The following SLC35F1 variants were observed in gnomAD, a reference collection of about 807,000 sequenced individuals.
SLC35F1 encodes chromosome 6 open reading frame 169.
Under a neutral mutation model 48.7 loss-of-function variants are expected in SLC35F1, and 14 were observed. That is an observed-to-expected ratio of 0.29 (90% confidence interval 0.19 to 0.45). The LOEUF (loss-of-function observed/expected upper bound fraction) is 0.45, where lower values mean the gene tolerates loss of function less well. Ranked by LOEUF, SLC35F1 falls within the 20% of genes least tolerant of loss-of-function variation. The pLI is 1.00. For synonymous variants in SLC35F1, 190 were observed against 202.2 expected, an observed-to-expected ratio of 0.94 and a Z score of 0.51; for missense variants, 404 against 500.0, an observed-to-expected ratio of 0.81 and a Z score of 1.83.
intron 1 of SLC35F1, among the ~76,000 whole-genome samples, chr6:118,036,166 A>C (rs1772129180): frequency 6.6e-6 from 1 of 152,148 alleles, no homozygotes; most frequent in African/African-American, 2.4e-5. Context: ...TAATACATGT[A>C]CATAAATTTC....
chr6:118,035,455 ACC>A (rs1452634183), intron 1 of SLC35F1, among the ~76,000 whole-genome samples: 6 of 149,062 alleles, frequency 4.0e-5, no homozygotes, highest in South Asian at 2.1e-4. Flanking sequence ...AAAAAAAAAA[ACC>A]CAAAAAATTA....
intron 1 of SLC35F1, among the ~76,000 whole-genome samples, chr6:118,088,094 A>C (rs531355362): frequency 6.6e-6 from 1 of 152,342 alleles, no homozygotes; most frequent in South Asian, 2.1e-4. Context: ...GAGTTACTTT[A>C]ATAGTTACTT....
At chr6:118,098,650 G>A (rs1773212824) in intron 1 of SLC35F1, among the ~76,000 whole-genome samples, 1 of 151,950 alleles carries the variant, frequency 6.6e-6, no homozygotes, top group Admixed American at 6.5e-5. Flanking sequence ...GGCTTTCCAG[G>A]GAAGTTGCTG....
intron 1 of SLC35F1, among the ~76,000 whole-genome samples, chr6:118,118,768 C>T (rs1224263412): frequency 6.6e-6 from 1 of 152,032 alleles, no homozygotes; most frequent in African/African-American, 2.4e-5. Context: ...CAGGAAGGGA[C>T]AGGGCTGGGA....
intron 1 of SLC35F1, among the ~76,000 whole-genome samples, chr6:118,094,415 C>CA (rs772540299): frequency 5.9e-5 from 9 of 152,044 alleles, no homozygotes; most frequent in Admixed American, 2.0e-4. Context: ...ATAAGGAAGG[C>CA]AGAGAAAGTA....
At chr6:117,993,409 A>T (rs9401040) in intron 1 of SLC35F1, among the ~76,000 whole-genome samples, 32,865 of 152,106 alleles carry the variant, frequency 0.22, 3,757 homozygotes, top group East Asian at 0.3. Context: ...TTAAGAAAAA[A>T]CATAATAATA....
intron 4 of SLC35F1, among the ~76,000 whole-genome samples, chr6:118,269,619 A>G (rs1327003789): frequency 6.6e-6 from 1 of 152,020 alleles, no homozygotes; most frequent in Middle Eastern, 3.2e-3. Context: ...TATCATTATC[A>G]AAAATATTCC....
intron 6 of SLC35F1, among the ~76,000 whole-genome samples, chr6:118,279,957 T>C (rs1012697740): frequency 6.6e-6 from 1 of 152,236 alleles, no homozygotes; most frequent in Non-Finnish European, 1.5e-5. Flanking sequence ...TTGTTTTCCT[T>C]GGGGTTAATA....
rs1279294343 is a variant in SLC35F1, at chr6:118,316,187, C to T, written c.*1935C>T. 6.6e-6 allele frequency: 1 copy of T among 152,178 alleles called. No homozygotes were observed. Among genetic ancestry groups the T allele is most frequent in the Non-Finnish European group, 1.5e-5 (1 of 68,022 alleles). 9.4% of individuals were successfully genotyped at this position (152,178 alleles called of 1,614,324 possible). ...TGTCAGCACCCACATGGCCTTTTTG[C>T]CTGCCTTCTATAACGGGTAAGTGGA... On this transcript the variant is annotated 3_prime_UTR_variant, in exon 8 of 8. Transcript: ENST00000360388.
At chr6:118,264,894 C>T (rs1775752974) in intron 3 of SLC35F1, among the ~76,000 whole-genome samples, 1 of 152,238 alleles carries the variant, frequency 6.6e-6, no homozygotes, top group African/African-American at 2.4e-5. Flanking sequence ...CATTAACTCA[C>T]ATTGCTAATT....
intron 1 of SLC35F1, among the ~76,000 whole-genome samples, chr6:118,110,997 GA>G (rs1241826121): frequency 6.6e-6 from 1 of 152,086 alleles, no homozygotes; most frequent in East Asian, 1.9e-4. Context: ...TAGGCCTTGT[GA>G]AGGAGAACAG....
intron 5 of SLC35F1, among the ~76,000 whole-genome samples, chr6:118,276,935 G>A (rs1432458569): frequency 1.3e-5 from 2 of 152,110 alleles, no homozygotes; most frequent in African/African-American, 4.8e-5. Context: ...CTAGATGAGA[G>A]GTTCTCAAAA....
rs550194005 is a variant in SLC35F1 at position 117,999,359 on chromosome 6, G to A, written c.173+91460G>A. ...GCCAAAGGCCAAGGCCAAGGCCAAG[G>A]ATCAAACCAAGGCCCAGGCTGCAGC... On this transcript the variant is annotated intron_variant, in intron 1 of 7. Transcript: ENST00000360388. The A allele has an allele frequency of 2.0e-5, 32 of 1,591,932 alleles. No homozygotes were observed. In the East Asian group the frequency reaches 7.1e-4, roughly 35 times the overall value.
intron 2 of SLC35F1, among the ~76,000 whole-genome samples, chr6:118,158,083 A>G (rs552746783): frequency 2.6e-5 from 4 of 152,334 alleles, no homozygotes; most frequent in East Asian, 1.9e-4. Flanking sequence ...TACCGATACC[A>G]GTCTGTGATG....
chr6:117,945,805 G>T (rs1776288649), intron 1 of SLC35F1, among the ~76,000 whole-genome samples: 1 of 152,124 alleles, frequency 6.6e-6, no homozygotes, highest in African/African-American at 2.4e-5. Flanking sequence ...CACTTTGTAG[G>T]ACCATTTTTA....
At chr6:117,921,053 GAC>G (rs60793418) in intron 1 of SLC35F1, among the ~76,000 whole-genome samples, 20,484 of 149,268 alleles carry the variant, frequency 0.14, 1,511 homozygotes, top group East Asian at 0.23. Flanking sequence ...ATTTCTCTTT[GAC>G]ACACACACAC....
intron 3 of SLC35F1, among the ~76,000 whole-genome samples, chr6:118,265,653 A>G (rs1032919361): frequency 2.6e-5 from 4 of 152,196 alleles, no homozygotes; most frequent in African/African-American, 9.6e-5. Flanking sequence ...AGGTGGCAGA[A>G]GTGGGAGAGG....
At chr6:117,922,839 C>G (rs1775916799) in intron 1 of SLC35F1, among the ~76,000 whole-genome samples, 1 of 152,162 alleles carries the variant, frequency 6.6e-6, no homozygotes, top group South Asian at 2.1e-4. Flanking sequence ...TAAGCATCTT[C>G]CTGTGTTACC....
At chr6:118,134,634 G>A (rs777425176) in intron 1 of SLC35F1, among the ~76,000 whole-genome samples, 8 of 152,324 alleles carry the variant, frequency 5.3e-5, no homozygotes, top group South Asian at 2.1e-4. Flanking sequence ...TCAGCAACAC[G>A]TATGAAGCCT....
Sources: allele counts gnomAD v4.1 joint callset (sites outside exome capture counted in the v4.1 genomes callset), GRCh38; gene constraint gnomAD v4.1.1; transcripts MANE v1.5; gene names NCBI Gene and HGNC (gene_info 2026-07-23, HGNC 2026-07-21).